CA10: variants seen among roughly 807,000 people sequenced by gnomAD.
CA10 encodes carbonic anhydrase-related protein 10.
Under a neutral mutation model 44.2 loss-of-function variants are expected in CA10, and 14 were observed. The observed-to-expected ratio is 0.32, with a 90% CI of 0.21 to 0.50. The LOEUF (loss-of-function observed/expected upper bound fraction) is 0.50. Ranked by LOEUF, CA10 falls within the 20% of genes least tolerant of loss-of-function variation. The pLI, the probability that CA10 is intolerant of heterozygous loss-of-function variation, is 0.99. For synonymous variants in CA10, 159 were observed against 141.6 expected, an observed-to-expected ratio of 1.12 and a Z score of -0.87; for missense variants, 350 against 409.7, an observed-to-expected ratio of 0.85 and a Z score of 1.26.
chr17:51,774,143 T>A (rs1182170828), intron 3 of CA10, among the ~76,000 whole-genome samples: 1 of 152,196 alleles, frequency 6.6e-6, no homozygotes, highest in East Asian at 1.9e-4. Flanking sequence ...TCATGAATAA[T>A]CACGTTGTCA....
At chr17:51,875,480 A>T (rs1980028966) in intron 3 of CA10, among the ~76,000 whole-genome samples, 1 of 152,210 alleles carries the variant, frequency 6.6e-6, no homozygotes, top group Non-Finnish European at 1.5e-5. Flanking sequence ...CTCTGTTTAC[A>T]GCTCACAGTC....
chr17:51,725,067 C>A (rs1386609436), intron 4 of CA10, among the ~76,000 whole-genome samples: 2 of 152,214 alleles, frequency 1.3e-5, no homozygotes, highest in Non-Finnish European at 2.9e-5. Flanking sequence ...CAGCCTGAGA[C>A]TCGAAGAGGT....
At chr17:52,009,832 G>A (rs186296239) in intron 2 of CA10, among the ~76,000 whole-genome samples, 185 of 152,080 alleles carry the variant, frequency 1.2e-3, no homozygotes, top group Non-Finnish European at 1.9e-3. Flanking sequence ...CAGAGTGGGA[G>A]AAAATCTTCA....
intron 4 of CA10, among the ~76,000 whole-genome samples, chr17:51,707,556 C>A (rs1915798588): frequency 6.6e-6 from 1 of 151,944 alleles, no homozygotes. Context: ...GCAGAGTCTG[C>A]CATTATTCAT....
intron 1 of CA10, among the ~76,000 whole-genome samples, chr17:52,079,083 G>C (rs559997035): frequency 6.6e-6 from 1 of 152,122 alleles, no homozygotes; most frequent in Non-Finnish European, 1.5e-5. Context: ...TCAGGAGATC[G>C]AGACCATCCT....
chr17:52,048,436 C>T (rs1281298231), intron 2 of CA10, among the ~76,000 whole-genome samples: 1 of 152,014 alleles, frequency 6.6e-6, no homozygotes, highest in Non-Finnish European at 1.5e-5. Context: ...TGGAAAGATA[C>T]AAATTACTTG....
intron 4 of CA10, among the ~76,000 whole-genome samples, chr17:51,717,791 G>GCA (rs1567815494): frequency 6.3e-4 from 21 of 33,236 alleles, no homozygotes; most frequent in African/African-American, 2.7e-3. Flanking sequence ...ATGTATATAT[G>GCA]TATATGTGTA....
Position 51,642,130 on chromosome 17 carries a change from A to T in CA10, c.635-6121T>A, listed in dbSNP as rs374776506. 1.5e-4 allele frequency among the ~76,000 whole-genome samples: 23 copies of T among 152,298 alleles called. 1 individual carries two copies. The East Asian group carries it at 1.9e-3, about 13-fold the overall frequency. Reference sequence around the variant, plus strand: ...ATAAATGATAAAAGGGACCTCTGAGAATTGGATTCGTGGAGGTAAGCTGCT... The same window carrying T: ...ATAAATGATAAAAGGGACCTCTGAGTATTGGATTCGTGGAGGTAAGCTGCT... On this transcript the variant is annotated intron_variant, in intron 6 of 8. Transcript: ENST00000451037.
intron 3 of CA10, among the ~76,000 whole-genome samples, chr17:51,896,262 G>A (rs1981064850): frequency 6.6e-6 from 1 of 151,836 alleles, no homozygotes; most frequent in African/African-American, 2.4e-5. Flanking sequence ...CCTCAAGGAG[G>A]CCCCAGTGTC....
intron 3 of CA10, among the ~76,000 whole-genome samples, chr17:51,802,465 A>G (rs1387738124): frequency 6.6e-6 from 1 of 150,948 alleles, no homozygotes. Context: ...GAAGAAAGAC[A>G]CTTTTCACAT....
At chr17:51,710,711 C>T (rs1197613126) in intron 4 of CA10, among the ~76,000 whole-genome samples, 2 of 152,054 alleles carry the variant, frequency 1.3e-5, no homozygotes, top group African/African-American at 2.4e-5. Flanking sequence ...GTGAAAACTG[C>T]CAAACCTGAA....
rs1473223923 is a variant in CA10 at position 52,051,130 on chromosome 17, A to AAAGG, written c.136+21185_136+21188dup. Among the ~76,000 whole-genome samples, 6 of 151,528 alleles carry AAAGG rather than the reference A, an allele frequency of 4.0e-5. No individual in the cohort carries two copies. The East Asian group carries it at 1.2e-3, about 30-fold the overall frequency. On this transcript the variant is annotated intron_variant, in intron 2 of 8. Transcript: ENST00000451037. ...AAGGAAGAAGAAAAGAAAAGAAAAG[A>AAAGG]AAGGAAGAAATGAGGGAGGGATGAA...
chr17:51,799,901 T>C (rs1478044983), intron 3 of CA10, among the ~76,000 whole-genome samples: 1 of 152,204 alleles, frequency 6.6e-6, no homozygotes, highest in Non-Finnish European at 1.5e-5. Context: ...GGAAGCCTCA[T>C]AGACTGCTTG....
intron 1 of CA10, among the ~76,000 whole-genome samples, chr17:52,133,878 A>G (rs1207540529): frequency 1.3e-5 from 2 of 152,354 alleles, no homozygotes; most frequent in Admixed American, 6.5e-5. Context: ...TGAATAGAAG[A>G]TTAATGAATG....
At chr17:51,987,575 A>G (rs188099838) in intron 2 of CA10, among the ~76,000 whole-genome samples, 8 of 152,162 alleles carry the variant, frequency 5.3e-5, no homozygotes, top group Non-Finnish European at 1.0e-4. Flanking sequence ...AGGATGAGGA[A>G]ATATTTACTT....
At chr17:52,062,013 CAT>C (rs1282469298) in intron 2 of CA10, among the ~76,000 whole-genome samples, 2 of 149,740 alleles carry the variant, frequency 1.3e-5, no homozygotes, top group Non-Finnish European at 3.0e-5. Flanking sequence ...GAGAAAACCT[CAT>C]AAATTCACTA....
At chr17:52,000,599 A>G (rs1985388770) in intron 2 of CA10, among the ~76,000 whole-genome samples, 1 of 152,074 alleles carries the variant, frequency 6.6e-6, no homozygotes. Flanking sequence ...ATAAGCACAG[A>G]GTATAAAAAT....
At chr17:51,669,790 C>T (rs140507027) in intron 4 of CA10, among the ~76,000 whole-genome samples, 4 of 152,276 alleles carry the variant, frequency 2.6e-5, no homozygotes, top group South Asian at 4.2e-4. Flanking sequence ...TAACACTCAC[C>T]GTGAGGGTCT....
At chr17:51,665,378 G>A (rs4306563) in intron 4 of CA10, among the ~76,000 whole-genome samples, 29,424 of 152,044 alleles carry the variant, frequency 0.19, 3,318 homozygotes, top group African/African-American at 0.31. Flanking sequence ...AGGTGTGCTC[G>A]GTGAGTCACT....
Sources: allele counts gnomAD v4.1 joint callset (sites outside exome capture counted in the v4.1 genomes callset), GRCh38; gene constraint gnomAD v4.1.1; transcripts MANE v1.5; gene names NCBI Gene and HGNC (gene_info 2026-07-23, HGNC 2026-07-21).